ALG12: variants seen among roughly 807,000 people sequenced by gnomAD.
The protein encoded by ALG12 is dol-P-Man:Man(7)GlcNAc(2)-PP-Dol alpha-1,6-mannosyltransferase.
ALG12 carries 36 observed loss-of-function variants against 46.0 expected under a neutral mutation model. The ratio of observed to expected loss-of-function variants is 0.78; its 90% CI spans 0.60 to 1.03. The LOEUF (loss-of-function observed/expected upper bound fraction) is 1.03. ALG12 is among the 50% of genes least tolerant of loss of function. ALG12 has a pLI of 0.00. For synonymous variants in ALG12, 326 were observed against 291.6 expected, an observed-to-expected ratio of 1.12 and a Z score of -1.20; for missense variants, 599 against 633.5, an observed-to-expected ratio of 0.95 and a Z score of 0.58.
the ALG12 span, among the ~76,000 whole-genome samples, chr22:49,876,346 G>A: frequency 5.3e-5 from 8 of 152,052 alleles, no homozygotes; most frequent in Non-Finnish European, 1.5e-5. Context: ...TTATGTACCT[G>A]TTGGTTACTT....
Position 49,902,670 on chromosome 22 carries a change from G to A in ALG12, c.*1168C>T, listed in dbSNP as rs2060519287. ...GCACTGTGTGGTGTGTATGCATGGT[G>A]TGTGCACGTGTGCACTGTGTATGCA... On this transcript the variant is annotated 3_prime_UTR_variant, in exon 10 of 10. Coordinates refer to ENST00000330817, the MANE Select transcript of ALG12 (RefSeq NM_024105.4). 1 of 140,922 alleles carries A rather than the reference G, an allele frequency of 7.1e-6. No homozygotes were observed. The highest frequency in any genetic ancestry group is 6.8e-5 in the Admixed American group (1 of 14,632). The allele number at this position is 140,922 out of a possible 1,614,324, so 8.7% of individuals were successfully genotyped here. A position where few individuals can be genotyped will look rare whatever the true frequency, so the allele number is the denominator to read the frequency against.
chr22:49,871,799 G>T, the ALG12 span, among the ~76,000 whole-genome samples: 1 of 150,582 alleles, frequency 6.6e-6, no homozygotes, highest in African/African-American at 2.4e-5. Context: ...CTGTCGCCCA[G>T]GGTGGAGTGC....
chr22:49,892,919 G>A, the ALG12 span, among the ~76,000 whole-genome samples: 4 of 152,174 alleles, frequency 2.6e-5, no homozygotes, highest in African/African-American at 7.2e-5. Context: ...TCTCACAGGT[G>A]ATCCAAATAC....
In ALG12 at chr22:49,910,921, C is replaced by T. The variant is rs527403516; in HGVS notation, c.296-314G>A. Among the ~76,000 whole-genome samples, 21 of 152,314 alleles carry T rather than the reference C, an allele frequency of 1.4e-4. No homozygotes were observed. The East Asian group carries it at 3.3e-3, about 24-fold the overall frequency. On this transcript the variant is annotated intron_variant, in intron 3 of 9. Transcript: ENST00000330817. ...CCCTACACTAAACCAGAGACCCCAC[C>T]GGGCTGTGGCATCTCCAGGGGAAAT...
chr22:49,879,161 C>CA, the ALG12 span, among the ~76,000 whole-genome samples: 1,181 of 144,238 alleles, frequency 8.2e-3, 20 homozygotes, highest in African/African-American at 0.028. Flanking sequence ...AAACAAAAAA[C>CA]AAAAAAAAAC....
At chr22:49,879,100 G>A in the ALG12 span, among the ~76,000 whole-genome samples, 11,881 of 149,620 alleles carry the variant, frequency 0.079, 564 homozygotes, top group South Asian at 0.17. Flanking sequence ...AGCCGAGATC[G>A]CGCCACTGCA....
Position 49,910,070 on chromosome 22 carries a change from G to C in ALG12, c.488C>G (p.Ala163Gly), listed in dbSNP as rs1308595877. 3 of 1,609,920 alleles carry C rather than the reference G, an allele frequency of 1.9e-6. No homozygotes were observed. Among genetic ancestry groups the C allele is most frequent in the Admixed American group, 3.4e-5 (2 of 59,486 alleles). ...GCGGGCCCACTCGTGCCGCAGCCAG[G>C]CCGCGAGGGCCAGCAGGACTGCAAG... ...ALPVVLLALAAWLRHEWARFI... is the reference protein window; with the variant it reads ...ALPVVLLALAGWLRHEWARFI... Residue 163 changes from alanine (A) to glycine (G), a missense_variant, in exon 5 of 10, where the codon GCC (alanine) becomes GGC (glycine). Coordinates refer to ENST00000330817, the MANE Select transcript of ALG12 (RefSeq NM_024105.4).
chr22:49,884,670 C>A, the ALG12 span: 1 of 1,609,724 alleles, frequency 6.2e-7, no homozygotes, highest in Non-Finnish European at 8.5e-7. Context: ...GGGCACACCG[C>A]GCCATCGTGT....
downstream of ALG12, among the ~76,000 whole-genome samples, chr22:49,900,053 A>G (rs1174897837): frequency 6.6e-6 from 1 of 152,132 alleles, no homozygotes; most frequent in Non-Finnish European, 1.5e-5. Flanking sequence ...AGTCCCAGCT[A>G]CTTGGGAGGC....
the ALG12 span, among the ~76,000 whole-genome samples, chr22:49,866,227 T>C: frequency 6.6e-6 from 1 of 152,222 alleles, no homozygotes; most frequent in Admixed American, 6.5e-5. Flanking sequence ...GCTTGACAAT[T>C]TCTAATTCAG....
the ALG12 span, chr22:49,886,752 C>T: frequency 1.2e-6 from 2 of 1,612,612 alleles, no homozygotes; most frequent in Non-Finnish European, 1.7e-6. The surrounding 1 kb of genome is among the most constrained non-coding windows in gnomAD (Gnocchi z 7.7). Flanking sequence ...AGGATTTAAT[C>T]AGGGAACTCG....
intron 6 of ALG12, among the ~76,000 whole-genome samples, chr22:49,908,278 C>T (rs965943088): frequency 6.6e-6 from 1 of 152,078 alleles, no homozygotes; most frequent in African/African-American, 2.4e-5. Flanking sequence ...GTCTGTAATC[C>T]CAGCACTTCG....
chr22:49,863,316 C>T, the ALG12 span, among the ~76,000 whole-genome samples: 2 of 152,166 alleles, frequency 1.3e-5, no homozygotes. Flanking sequence ...CGCATCACCA[C>T]ACCCAGCTAA....
At position 49,907,771 on chromosome 22, in the gene ALG12, G is replaced by C; in HGVS notation, c.942C>G (p.Ile314Met). 1 of 1,614,172 alleles carries C rather than the reference G, an allele frequency of 6.2e-7. No homozygotes were observed. Among genetic ancestry groups the C allele is most frequent in the Non-Finnish European group, 8.5e-7 (1 of 1,180,048 alleles). The change falls in exon 7 of 10, where the codon ATC becomes ATG. Residue 314 changes from isoleucine to methionine, a missense_variant. Physicochemically the swap from Ile to Met is conservative, Grantham distance 10. Coordinates refer to ENST00000330817, the MANE Select transcript of ALG12 (RefSeq NM_024105.4). ...TGATGTTGAGCATGGGGAAGGCATA[G>C]ATGATGAAGCGTAGCTCCTTGTGTG... ...LLPHKELRFI[I>M]YAFPMLNITA...
chr22:49,874,406 G>A, the ALG12 span, among the ~76,000 whole-genome samples: 1 of 144,812 alleles, frequency 6.9e-6, no homozygotes, highest in African/African-American at 2.6e-5. Context: ...TTTTTTTTTA[G>A]ATGGAGTCTT....
rs574562510 is a variant in ALG12 at position 49,912,490 on chromosome 22, C to T, written c.295+895G>A. Among the ~76,000 whole-genome samples the T allele has an allele frequency of 3.9e-5, 6 of 152,324 alleles. No individual in the cohort carries two copies. In the South Asian group the frequency reaches 1.2e-3, roughly 32 times the overall value. On this transcript the variant is annotated intron_variant, in intron 3 of 9. Coordinates refer to ENST00000330817, the MANE Select transcript of ALG12 (RefSeq NM_024105.4). ...CCCCATTTGGGGCTTCCTGATGCCT[C>T]TACAGGACATGCACGGCTTGTCCAG...
chr22:49,888,156 G>A, the ALG12 span: 60 of 167,194 alleles, frequency 3.6e-4, no homozygotes, highest in African/African-American at 1.4e-3. Flanking sequence ...GGGAAGATGC[G>A]GCCATCACTG....
chr22:49,904,263 A>C lies in ALG12; in HGVS notation c.1163-9T>G. The C allele has an allele frequency of 6.2e-7, 1 of 1,613,886 alleles. No homozygotes were observed. The highest frequency in any genetic ancestry group is 8.5e-7 in the Non-Finnish European group (1 of 1,179,932). On this transcript the variant is annotated splice_polypyrimidine_tract_variant and intron_variant, in intron 8 of 9. Transcript: ENST00000330817. The stretch of plus-strand genomic sequence containing the variant: ...AATGTGCAGAAGGACGTCTAGGAAA[A>C]CCAGGCCTGCCGTCAGAGCCCAGCC...
At position 49,918,329 on chromosome 22, in the gene ALG12, CGGCGGA is replaced by C; in HGVS notation, c.-151_-146del. The stretch of plus-strand genomic sequence containing the variant: ...GGGCCAGCCTCGGCAGGAAGCAGGA[CGGCGGA>C]AACAGAACAGAGCCCGAATCTAAAG... On this transcript the variant is annotated 5_prime_UTR_variant, in exon 1 of 10. Coordinates refer to ENST00000330817, the MANE Select transcript of ALG12 (RefSeq NM_024105.4). 1 of 145,094 alleles carries C rather than the reference CGGCGGA, an allele frequency of 6.9e-6. No homozygotes were observed. Among genetic ancestry groups the C allele is most frequent in the South Asian group, 2.3e-4 (1 of 4,326 alleles). 9.0% of individuals were successfully genotyped at this position (145,094 alleles called of 1,614,324 possible). A position where few individuals can be genotyped will look rare whatever the true frequency, so the allele number is the denominator to read the frequency against.
Sources: allele counts gnomAD v4.1 joint callset (sites outside exome capture counted in the v4.1 genomes callset), GRCh38; gene constraint gnomAD v4.1.1; non-coding constraint Gnocchi (gnomAD v3.1); transcripts MANE v1.5; gene names NCBI Gene and HGNC (gene_info 2026-07-23, HGNC 2026-07-21).